Variants in DLC1 observed in about 807,000 individuals in gnomAD.
DLC1 encodes the protein rho GTPase-activating protein 7.
In DLC1, 54 loss-of-function variants were observed where a neutral mutation model predicts 140.3. The ratio of observed to expected loss-of-function variants is 0.38; its 90% CI spans 0.31 to 0.48. The LOEUF is 0.48. DLC1 is among the 20% of genes least tolerant of loss of function. The pLI is 0.96. For synonymous variants in DLC1, 986 were observed against 728.1 expected, an observed-to-expected ratio of 1.35 and a Z score of -5.70; for missense variants, 2,536 against 1,907.0, an observed-to-expected ratio of 1.33 and a Z score of -6.14.
At chr8:13,251,563 C>G (rs1201610922) in intron 5 of DLC1, among the ~76,000 whole-genome samples, 1 of 152,166 alleles carries the variant, frequency 6.6e-6, no homozygotes, top group East Asian at 1.9e-4. Context: ...GAGGCAAGGT[C>G]CTTGGATACA....
intron 2 of DLC1, among the ~76,000 whole-genome samples, chr8:13,423,539 T>C (rs1352186897): frequency 6.6e-6 from 1 of 152,144 alleles, no homozygotes; most frequent in Non-Finnish European, 1.5e-5. Context: ...ATAATACTAA[T>C]TATAATTATA....
chr8:13,534,689 C>T (rs1044079382), intron 1 of DLC1, among the ~76,000 whole-genome samples: 3 of 152,186 alleles, frequency 2.0e-5, no homozygotes, highest in East Asian at 1.9e-4. Context: ...GCCTGTCATT[C>T]GCGTGGCCAG....
intron 5 of DLC1, among the ~76,000 whole-genome samples, chr8:13,119,800 A>G (rs916507300): frequency 6.6e-6 from 1 of 152,020 alleles, no homozygotes; most frequent in Non-Finnish European, 1.5e-5. Context: ...AAAAAATATA[A>G]AAAGAAAAAA....
At chr8:13,384,376 G>C (rs891589933) in intron 4 of DLC1, among the ~76,000 whole-genome samples, 4 of 123,462 alleles carry the variant, frequency 3.2e-5, no homozygotes, top group African/African-American at 1.1e-4. Flanking sequence ...GTGTGAGCGT[G>C]CGCGTGTGTG....
In DLC1 at chr8:13,499,439, C is replaced by T. The variant is rs942597530; in HGVS notation, c.633G>A (p.Val211=). 1 of 1,613,802 alleles carries T rather than the reference C, an allele frequency of 6.2e-7. No homozygotes were observed. The highest frequency in any genetic ancestry group is 1.3e-5 in the African/African-American group (1 of 74,834). The change falls in exon 2 of 18, where the codon GTG becomes GTA. Residue 211 remains valine (V), a synonymous_variant. Transcript: ENST00000276297. ...EIKDAPKVNA[V]DTLNVKDIAP... is the part of the protein sequence containing the mutation. ...CAATATCTTTCACGTTCAAAGTATC[C>T]ACTGCATTTACTTTGGGTGCATCTT...
chr8:13,108,411 G>A (rs1819778591), intron 7 of DLC1, among the ~76,000 whole-genome samples: 1 of 152,206 alleles, frequency 6.6e-6, no homozygotes, highest in Non-Finnish European at 1.5e-5. Flanking sequence ...ATGTGGCAGA[G>A]TCTGCTTCTT....
At chr8:13,401,793 T>A (rs1433097008) in intron 2 of DLC1, among the ~76,000 whole-genome samples, 174 bp from the exon 3 acceptor site, 1 of 152,204 alleles carries the variant, frequency 6.6e-6, no homozygotes. Context: ...GACACTGACC[T>A]AGTGCCAAGA....
chr8:13,138,150 G>A (rs990456009), intron 5 of DLC1, among the ~76,000 whole-genome samples: 13 of 152,116 alleles, frequency 8.5e-5, no homozygotes, highest in African/African-American at 3.1e-4. Context: ...AAACACTAAA[G>A]CACTGACAGG....
intron 5 of DLC1, among the ~76,000 whole-genome samples, chr8:13,142,557 CTA>C (rs1237615380): frequency 6.6e-6 from 1 of 151,962 alleles, no homozygotes; most frequent in Non-Finnish European, 1.5e-5. Flanking sequence ...CATCATAACA[CTA>C]TGATATAAGA....
At chr8:13,146,006 C>T (rs1823406454) in intron 5 of DLC1, among the ~76,000 whole-genome samples, 1 of 152,106 alleles carries the variant, frequency 6.6e-6, no homozygotes, top group Non-Finnish European at 1.5e-5. Context: ...GGGCCGGGCG[C>T]AGTGGCTCAT....
In DLC1 at chr8:13,520,669, A is replaced by T. The variant is rs561800836; in HGVS notation, c.-125-20473T>A. Reference sequence around the variant, plus strand: ...TAGCAAATAAAAAAAATATTGACACAGACAAGAGGGCACGTATGTCTTAGA... The same window carrying T: ...TAGCAAATAAAAAAAATATTGACACTGACAAGAGGGCACGTATGTCTTAGA... On this transcript the variant is annotated intron_variant, in intron 1 of 1. Transcript: ENST00000631382. Among the ~76,000 whole-genome samples, 11 of 152,174 alleles carry T rather than the reference A, an allele frequency of 7.2e-5. No individual in the cohort carries two copies. The South Asian group carries it at 1.9e-3, about 26-fold the overall frequency.
chr8:13,515,633 G>T (rs750020553), upstream of DLC1: 1 of 152,064 alleles, frequency 6.6e-6, no homozygotes, highest in Non-Finnish European at 1.5e-5. Context: ...TCCTTCGTCC[G>T]TCACAAATTT....
At chr8:13,246,141 CT>C (rs1165359276) in intron 5 of DLC1, among the ~76,000 whole-genome samples, 1 of 152,146 alleles carries the variant, frequency 6.6e-6, no homozygotes, top group Admixed American at 6.5e-5. Context: ...TCCAGCAACA[CT>C]TCCACCTAGA....
intron 4 of DLC1, chr8:13,342,715 C>G (rs1834122967): frequency 6.5e-6 from 1 of 153,136 alleles, no homozygotes; most frequent in Admixed American, 6.5e-5. Flanking sequence ...CTTGCCAGCC[C>G]CACAATTATG....
intron 13 of DLC1, among the ~76,000 whole-genome samples, chr8:13,092,249 G>T (rs184886804): frequency 1.3e-5 from 2 of 152,074 alleles, no homozygotes; most frequent in African/African-American, 4.8e-5. Flanking sequence ...TGTCTCAAAA[G>T]GAACTATTTA....
intron 4 of DLC1, among the ~76,000 whole-genome samples, chr8:13,321,156 G>T (rs1273636748): frequency 1.3e-5 from 2 of 152,066 alleles, no homozygotes; most frequent in Non-Finnish European, 2.9e-5. Flanking sequence ...TACCAGGAAA[G>T]AACTTTTAAA....
intron 5 of DLC1, among the ~76,000 whole-genome samples, chr8:13,192,035 G>A (rs1400150394): frequency 6.7e-6 from 1 of 150,286 alleles, no homozygotes; most frequent in African/African-American, 2.5e-5. Flanking sequence ...TCTGCCTCCC[G>A]GGTTCCAGAG....
intron 5 of DLC1, among the ~76,000 whole-genome samples, chr8:13,255,728 G>A (rs2117304602): frequency 6.6e-6 from 1 of 152,232 alleles, no homozygotes; most frequent in East Asian, 1.9e-4. Context: ...CCCCACCTCT[G>A]TCATGATCAC....
chr8:13,357,705 G>C (rs545119466), intron 4 of DLC1, among the ~76,000 whole-genome samples: 42 of 152,234 alleles, frequency 2.8e-4, no homozygotes, highest in African/African-American at 9.9e-4. Context: ...TTCATCTTCA[G>C]GTTTTCTTCC....
Sources: gnomAD v4.1 joint callset for allele counts (sites outside exome capture counted in the v4.1 genomes callset) on GRCh38, gnomAD v4.1.1 for gene constraint, MANE v1.5 for transcripts, NCBI Gene and HGNC (gene_info 2026-07-23, HGNC 2026-07-21) for gene names.